The following BDH2 variants were observed in gnomAD, a reference collection of about 807,000 sequenced individuals.
BDH2 encodes 3-hydroxybutyrate dehydrogenase 2, also known as dehydrogenase/reductase SDR family member 6.
In BDH2, 24 loss-of-function variants were observed where a neutral mutation model predicts 33.2. The observed-to-expected ratio is 0.72, with a 90% confidence interval of 0.52 to 1.02. BDH2 has a LOEUF of 1.02. BDH2 is among the 50% of genes least tolerant of loss of function. The pLI, the probability that BDH2 is intolerant of heterozygous loss-of-function variation, is 0.00. For missense variants in BDH2, 249 were observed against 301.6 expected, an observed-to-expected ratio of 0.83 and a Z score of 1.29; for synonymous variants, 81 against 101.6, an observed-to-expected ratio of 0.80 and a Z score of 1.22.
At position 103,092,684 on chromosome 4, in the gene BDH2, C is replaced by A. The variant is rs1427824118; in HGVS notation, c.164G>T (p.Arg55Leu). The change falls in exon 4 of 10, where the codon CGT (arginine) becomes CTT (leucine). Residue 55 changes from arginine (R) to leucine (L), a missense_variant. Coordinates refer to ENST00000296424, the MANE Select transcript of BDH2 (RefSeq NM_020139.4). ...ELEKYPGIQT[R>L]VLDVTKKKQI... ...TTTCTTCTTTGTGACATCAAGGACA[C>A]GAGTTTGAATACCTGAAAAATAAAA... 1 of 1,610,588 alleles carries A rather than the reference C, an allele frequency of 6.2e-7. No homozygotes were observed. The highest frequency in any genetic ancestry group is 2.2e-5 in the East Asian group (1 of 44,810).
chr4:103,089,497 A>G (rs1235460790), intron 5 of BDH2, among the ~76,000 whole-genome samples: 1 of 152,204 alleles, frequency 6.6e-6, no homozygotes, highest in Non-Finnish European at 1.5e-5. Flanking sequence ...TTTGGCCCAC[A>G]TGGATAATTG....
chr4:103,087,198 C>T (rs752765731), intron 5 of BDH2, among the ~76,000 whole-genome samples: 52 of 152,058 alleles, frequency 3.4e-4, no homozygotes, highest in Admixed American at 3.1e-3. Context: ...AAGGTTCCAT[C>T]GGGAACTGGG....
rs1320804117 is a variant in BDH2 at position 103,077,784 on chromosome 4, C to G, written c.*1918G>C. 2.0e-5 allele frequency among the ~76,000 whole-genome samples: 3 copies of G among 152,136 alleles called. No individual in the cohort carries two copies. The highest frequency in any genetic ancestry group is 6.5e-5 in the Admixed American group (1 of 15,294). ...TTGATTATGATACACGAAAAGAAACCCAAGTCATTTAGCTTAACTCCTTAA... is the reference window on the plus strand; with the variant it reads ...TTGATTATGATACACGAAAAGAAACGCAAGTCATTTAGCTTAACTCCTTAA... On this transcript the variant is annotated 3_prime_UTR_variant, in exon 10 of 10. Coordinates refer to ENST00000296424, the MANE Select transcript of BDH2 (RefSeq NM_020139.4).
intron 1 of BDH2, among the ~76,000 whole-genome samples, 189 bp downstream of exon 1, chr4:103,099,594 T>TTCTTG (rs1480821377): frequency 6.6e-6 from 1 of 152,202 alleles, no homozygotes; most frequent in Admixed American, 6.5e-5. Context: ...GAATCCTTTT[T>TTCTTG]TCTTGGGCTA....
rs1475056099 is a variant in BDH2, at chr4:103,079,009, T to C, written c.*693A>G. On this transcript the variant is annotated 3_prime_UTR_variant, in exon 10 of 10. Transcript: ENST00000296424. ...TTACTATCTTCTTCCTTAACCCCCA[T>C]CTCCCCCACAAAAAAACAAAAACTT... Among the ~76,000 whole-genome samples, 1 of 152,088 alleles carries C rather than the reference T, an allele frequency of 6.6e-6. No individual in the cohort carries two copies. The highest frequency in any genetic ancestry group is 1.5e-5 in the Non-Finnish European group (1 of 68,018).
Position 103,085,467 on chromosome 4 carries a change from G to C in BDH2, c.419-5C>G, listed in dbSNP as rs372513125. Reference sequence around the variant, plus strand: ...ACACACATCTGTTCACAACTCCTGAGGGTGGAGGAAAGGTTCAACAATTGA... The same window carrying C: ...ACACACATCTGTTCACAACTCCTGACGGTGGAGGAAAGGTTCAACAATTGA... On this transcript the variant is annotated splice_polypyrimidine_tract_variant and splice_region_variant and intron_variant, in intron 6 of 9. Coordinates refer to ENST00000296424, the MANE Select transcript of BDH2 (RefSeq NM_020139.4). The C allele has an allele frequency of 8.7e-6, 14 of 1,607,594 alleles. No individual in the cohort carries two copies. In the Admixed American group the frequency reaches 1.7e-4, roughly 19 times the overall value.
intron 5 of BDH2, among the ~76,000 whole-genome samples, chr4:103,088,476 T>C (rs6840401): frequency 0.22 from 32,975 of 152,118 alleles, 3,828 homozygotes; most frequent in Middle Eastern, 0.31. Context: ...CCGAGGTCCC[T>C]CTGCTGCTTC....
At chr4:103,092,188 A>G (rs1297734191) in intron 4 of BDH2, among the ~76,000 whole-genome samples, 1 of 152,214 alleles carries the variant, frequency 6.6e-6, no homozygotes, top group Admixed American at 6.5e-5. Flanking sequence ...TTATTTCTAC[A>G]TCCCCTACAT....
chr4:103,091,129 A>C, intron 5 of BDH2, 48 bp downstream of exon 5: 6 of 1,216,694 alleles, frequency 4.9e-6, no homozygotes, highest in Non-Finnish European at 6.1e-6. Context: ...TGCCCAGTAC[A>C]GAGACCTAAT....
chr4:103,084,990 T>C (rs1747706977), intron 7 of BDH2, among the ~76,000 whole-genome samples: 1 of 152,208 alleles, frequency 6.6e-6, no homozygotes, highest in Non-Finnish European at 1.5e-5. Context: ...TTAAAGAATA[T>C]TATAATCCTT....
chr4:103,087,579 C>T (rs1747856902), intron 5 of BDH2, among the ~76,000 whole-genome samples: 1 of 152,144 alleles, frequency 6.6e-6, no homozygotes, highest in South Asian at 2.1e-4. Context: ...AGAATTCCCC[C>T]ACTAAAGTGT....
intron 2 of BDH2, 101 bp downstream of exon 2, chr4:103,096,081 TA>T: frequency 1.3e-6 from 1 of 787,854 alleles, no homozygotes. Flanking sequence ...AGTAAAAAAA[TA>T]AAAAAGCAGA....
intron 5 of BDH2, 21 bp from the exon 6 acceptor site, chr4:103,086,561 C>CAAAA (rs3832316): frequency 3.0e-6 from 4 of 1,327,766 alleles, no homozygotes; most frequent in African/African-American, 3.1e-5. Flanking sequence ...AAAACAAATA[C>CAAAA]AAAAAAAAAA....
chr4:103,095,297 T>C lies in BDH2; in HGVS notation c.73-16A>G. The C allele has an allele frequency of 6.3e-7, 1 of 1,594,372 alleles. No homozygotes were observed. Among genetic ancestry groups the C allele is most frequent in the Middle Eastern group, 1.7e-4 (1 of 5,984 alleles). On this transcript the variant is annotated splice_polypyrimidine_tract_variant and intron_variant, in intron 2 of 9. Transcript: ENST00000296424. ...TTGCAAAAGCCTAGTAGACACAAAG[T>C]ACAAATAAATCCTTTGTTTACTTGA...
chr4:103,097,069 A>G (rs1416810550), intron 1 of BDH2, among the ~76,000 whole-genome samples: 1 of 151,866 alleles, frequency 6.6e-6, no homozygotes, highest in Non-Finnish European at 1.5e-5. Context: ...TCTTGAAAAG[A>G]TTTCATAGTT....
At chr4:103,091,114 C>G in intron 5 of BDH2, 63 bp downstream of exon 5, 1 of 979,482 alleles carries the variant, frequency 1.0e-6, no homozygotes, top group Non-Finnish European at 1.6e-6. Flanking sequence ...GGAATCCCTT[C>G]TGTGTGCCCA....
Position 103,092,680 on chromosome 4 carries a change from G to C in BDH2, c.168C>G (p.Val56=), listed in dbSNP as rs190244601. The change falls in exon 4 of 10, where the codon GTC becomes GTG. Residue 56 remains valine (V), a synonymous_variant. Coordinates refer to ENST00000296424, the MANE Select transcript of BDH2 (RefSeq NM_020139.4). ...TTTGTTTCTTCTTTGTGACATCAAGGACACGAGTTTGAATACCTGAAAAAT... is the reference window on the plus strand; with the variant it reads ...TTTGTTTCTTCTTTGTGACATCAAGCACACGAGTTTGAATACCTGAAAAAT... ...LEKYPGIQTR[V]LDVTKKKQID... The C allele has an allele frequency of 1.4e-4, 222 of 1,611,814 alleles. No individual in the cohort carries two copies. Among genetic ancestry groups the C allele is most frequent in the Non-Finnish European group, 1.8e-4 (216 of 1,178,228 alleles).
chr4:103,091,818 G>A (rs1275687507), intron 4 of BDH2: 4 of 448,116 alleles, frequency 8.9e-6, no homozygotes, highest in African/African-American at 6.1e-5. Flanking sequence ...GAGCAACAGT[G>A]CCCTCAGGTG....
At chr4:103,092,492 T>C in intron 4 of BDH2, 108 bp downstream of exon 4, 1 of 734,380 alleles carries the variant, frequency 1.4e-6, no homozygotes. Context: ...TCCCAAGGAA[T>C]ATGTCATGGT....
Sources: allele counts gnomAD v4.1 joint callset (sites outside exome capture counted in the v4.1 genomes callset), GRCh38; gene constraint gnomAD v4.1.1; transcripts MANE v1.5; gene names NCBI Gene and HGNC (gene_info 2026-07-23, HGNC 2026-07-21).